The following SHISA9 variants were observed in gnomAD, a reference collection of about 807,000 sequenced individuals.
The protein encoded by SHISA9 is shisa family member 9.
A neutral mutation model predicts 38.0 loss-of-function variants in SHISA9; 13 were observed. The observed-to-expected ratio is 0.34, with a 90% confidence interval of 0.22 to 0.54. The LOEUF (loss-of-function observed/expected upper bound fraction) is 0.54, where lower values mean the gene tolerates loss of function less well. Ranked by LOEUF, SHISA9 falls within the 20% of genes least tolerant of loss-of-function variation. The probability of loss-of-function intolerance (pLI) is 0.91; values close to 1 mark genes in which losing one functional copy is unlikely to be tolerated. For synonymous variants in SHISA9, 275 were observed against 242.0 expected (o/e 1.14, Z -1.27); for missense variants, 538 against 575.8 (o/e 0.93, Z 0.67).
chr16:13,151,523 C>A (rs1419777996), intron 2 of SHISA9, among the ~76,000 whole-genome samples: 1 of 152,142 alleles, frequency 6.6e-6, no homozygotes, highest in Non-Finnish European at 1.5e-5. Flanking sequence ...TATTACTTCA[C>A]CTGTGTCTGG....
the SHISA9 span, among the ~76,000 whole-genome samples, chr16:13,433,511 T>C: frequency 1.5e-5 from 2 of 132,592 alleles, no homozygotes; most frequent in African/African-American, 5.7e-5. Flanking sequence ...CCTTATTTCA[T>C]GGGTGAAGAA....
the SHISA9 span, among the ~76,000 whole-genome samples, chr16:13,364,115 G>T: frequency 6.6e-6 from 1 of 152,226 alleles, no homozygotes; most frequent in African/African-American, 2.4e-5. Flanking sequence ...TCCAGCTTGA[G>T]AATTTCTCTT....
At chr16:13,167,068 T>C (rs1264279372) in intron 2 of SHISA9, among the ~76,000 whole-genome samples, 16 of 129,650 alleles carry the variant, frequency 1.2e-4, no homozygotes, top group Non-Finnish European at 2.5e-4. Context: ...TCTCTCTCTT[T>C]TTTCTTTTTT....
chr16:12,915,437 C>A (rs1018154934), intron 1 of SHISA9, among the ~76,000 whole-genome samples: 7 of 152,084 alleles, frequency 4.6e-5, no homozygotes, highest in African/African-American at 1.7e-4. Flanking sequence ...AGAGCAAGAC[C>A]CTATCTGAAG....
the SHISA9 span, among the ~76,000 whole-genome samples, chr16:13,259,545 G>C: frequency 6.6e-6 from 1 of 152,244 alleles, no homozygotes; most frequent in East Asian, 1.9e-4. Context: ...TTCTCCATGA[G>C]GGCCCTGCCC....
the SHISA9 span, among the ~76,000 whole-genome samples, chr16:13,477,333 A>G: frequency 7.9e-5 from 12 of 152,214 alleles, no homozygotes; most frequent in African/African-American, 2.9e-4. Flanking sequence ...TTATTAGAAA[A>G]GCTCTCTCAG....
the SHISA9 span, among the ~76,000 whole-genome samples, chr16:13,512,486 C>T: frequency 6.6e-6 from 1 of 152,068 alleles, no homozygotes; most frequent in Non-Finnish European, 1.5e-5. Flanking sequence ...ACATTCTTCA[C>T]AGAATTAGAA....
intron 1 of SHISA9, chr16:12,909,702 C>A: frequency 1.1e-5 from 6 of 531,056 alleles, no homozygotes; most frequent in Non-Finnish European, 1.4e-5. Flanking sequence ...CCCACCCCAG[C>A]CTGACACACT....
At chr16:13,260,518 T>C in the SHISA9 span, among the ~76,000 whole-genome samples, 1 of 152,164 alleles carries the variant, frequency 6.6e-6, no homozygotes, top group Non-Finnish European at 1.5e-5. Flanking sequence ...GGGCAAAATG[T>C]CACCAGTCTT....
chr16:13,126,648 G>GGA (rs72374182), intron 2 of SHISA9, among the ~76,000 whole-genome samples: 4 of 143,948 alleles, frequency 2.8e-5, no homozygotes, highest in African/African-American at 1.1e-4. Context: ...AGAGAGAGGT[G>GGA]GAGAGAGAGA....
At chr16:13,447,007 G>A in the SHISA9 span, among the ~76,000 whole-genome samples, 3 of 150,828 alleles carry the variant, frequency 2.0e-5, no homozygotes, top group Non-Finnish European at 4.4e-5. Flanking sequence ...AAGTGAAAGG[G>A]ACAGGGTAAA....
the SHISA9 span, among the ~76,000 whole-genome samples, chr16:13,414,646 C>CTTTTTTTTTTTTT: frequency 7.3e-6 from 1 of 136,612 alleles, no homozygotes; most frequent in East Asian, 2.2e-4. Flanking sequence ...TTCTTTCTTT[C>CTTTTTTTTTTTTT]TTTCTTTTTT....
At chr16:13,465,090 A>G in the SHISA9 span, among the ~76,000 whole-genome samples, 1 of 152,148 alleles carries the variant, frequency 6.6e-6, no homozygotes, top group African/African-American at 2.4e-5. Context: ...AACATTTTGG[A>G]AGAAATAATG....
the SHISA9 span, among the ~76,000 whole-genome samples, chr16:13,542,545 C>G: frequency 6.6e-6 from 1 of 152,002 alleles, no homozygotes; most frequent in African/African-American, 2.4e-5. Context: ...TGTTTTCAAT[C>G]AGCGCTGAGT....
chr16:13,545,924 CTTTTAA>C, the SHISA9 span, among the ~76,000 whole-genome samples: 1 of 152,124 alleles, frequency 6.6e-6, no homozygotes, highest in East Asian at 1.9e-4. Flanking sequence ...CTTCCTGGGA[CTTTTAA>C]TTTGGATTTG....
At chr16:13,413,411 C>T in the SHISA9 span, among the ~76,000 whole-genome samples, 81 of 152,190 alleles carry the variant, frequency 5.3e-4, 1 homozygote, top group Middle Eastern at 0.014. Flanking sequence ...GATGAAGACC[C>T]ATGGGTTGTA....
chr16:13,549,688 G>A, the SHISA9 span, among the ~76,000 whole-genome samples: 1 of 152,090 alleles, frequency 6.6e-6, no homozygotes, highest in Admixed American at 6.5e-5. Flanking sequence ...AATGACTGTA[G>A]AAGTGGGGAG....
chr16:13,374,061 CA>C, the SHISA9 span, among the ~76,000 whole-genome samples: 2 of 152,156 alleles, frequency 1.3e-5, no homozygotes, highest in Non-Finnish European at 2.9e-5. Flanking sequence ...AAAGCTTGGC[CA>C]ACTTGGCCAT....
chr16:13,534,585 A>C, the SHISA9 span, among the ~76,000 whole-genome samples: 1 of 152,206 alleles, frequency 6.6e-6, no homozygotes, highest in Admixed American at 6.5e-5. Flanking sequence ...TTAATTATTA[A>C]TTTTCAACCC....
Sources: gnomAD v4.1 joint callset for allele counts (sites outside exome capture counted in the v4.1 genomes callset) on GRCh38, gnomAD v4.1.1 for gene constraint, MANE v1.5 for transcripts, NCBI Gene and HGNC (gene_info 2026-07-23, HGNC 2026-07-21) for gene names.